The following NCKAP5 variants were observed in gnomAD, a reference collection of about 807,000 sequenced individuals.
NCKAP5 encodes the protein nck-associated protein 5.
A neutral mutation model predicts 167.0 loss-of-function variants in NCKAP5; 92 were observed. That is an observed-to-expected ratio of 0.55 (90% confidence interval 0.47 to 0.66). The LOEUF (loss-of-function observed/expected upper bound fraction) is 0.66. Among genes scored for constraint, NCKAP5 ranks in the 30% least tolerant of loss-of-function variants. The pLI is 0.00. For missense variants in NCKAP5, 2,378 were observed against 2,315.0 expected, an observed-to-expected ratio of 1.03 and a Z score of -0.56; for synonymous variants, 891 against 877.4, an observed-to-expected ratio of 1.02 and a Z score of -0.27.
intron 4 of NCKAP5, among the ~76,000 whole-genome samples, chr2:133,257,801 A>C (rs1452884554): frequency 6.6e-6 from 1 of 152,222 alleles, no homozygotes; most frequent in East Asian, 1.9e-4. Context: ...CATAGAAATG[A>C]ATAAACTCAA....
chr2:132,723,140 ATTTTTT>A (rs869234028), intron 19 of NCKAP5, among the ~76,000 whole-genome samples: 4 of 93,436 alleles, frequency 4.3e-5, no homozygotes, highest in African/African-American at 1.3e-4. Flanking sequence ...GCCAGGTGGT[ATTTTTT>A]TTTTTTTTTT....
At chr2:132,852,701 T>C (rs921411989) in intron 11 of NCKAP5, among the ~76,000 whole-genome samples, 23 of 152,342 alleles carry the variant, frequency 1.5e-4, no homozygotes, top group African/African-American at 5.0e-4. Context: ...GTATTAGTCC[T>C]GAATTTAGTT....
intron 4 of NCKAP5, among the ~76,000 whole-genome samples, chr2:133,215,280 G>T (rs549308966): frequency 1.6e-4 from 24 of 152,074 alleles, no homozygotes; most frequent in African/African-American, 5.8e-4. Context: ...ACAAATTAAG[G>T]GAACAAATAA....
intron 6 of NCKAP5, among the ~76,000 whole-genome samples, chr2:133,055,429 C>T (rs141207624): frequency 6.0e-5 from 9 of 151,054 alleles, no homozygotes; most frequent in Middle Eastern, 3.4e-3. Context: ...ACCTTGAAAA[C>T]GCCAGAAGAT....
At chr2:133,385,089 T>C (rs1024990076) in intron 3 of NCKAP5, among the ~76,000 whole-genome samples, 53 of 152,352 alleles carry the variant, frequency 3.5e-4, no homozygotes, top group African/African-American at 1.1e-3. Flanking sequence ...CTATGTTGAA[T>C]AGGAGTGGTG....
At chr2:132,717,192 C>T (rs184249200) in intron 19 of NCKAP5, among the ~76,000 whole-genome samples, 5 of 152,268 alleles carry the variant, frequency 3.3e-5, no homozygotes, top group African/African-American at 1.2e-4. Context: ...TCCCTTGTGT[C>T]CCACTGCGCA....
chr2:133,288,762 T>C (rs1679348810), intron 4 of NCKAP5, among the ~76,000 whole-genome samples: 1 of 152,128 alleles, frequency 6.6e-6, no homozygotes, highest in South Asian at 2.1e-4. Context: ...CAAGAGTTAG[T>C]GCATAAAGAA....
At chr2:132,818,138 C>T (rs557635260) in intron 11 of NCKAP5, among the ~76,000 whole-genome samples, 21 of 151,908 alleles carry the variant, frequency 1.4e-4, no homozygotes, top group Middle Eastern at 3.2e-3. Context: ...TGTAGAGATG[C>T]GGTTTCGCCA....
chr2:133,124,712 G>A (rs555289440), intron 6 of NCKAP5, among the ~76,000 whole-genome samples: 15 of 152,252 alleles, frequency 9.9e-5, no homozygotes, highest in Admixed American at 2.0e-4. Context: ...GGTGTTACTA[G>A]GCACACAATA....
intron 5 of NCKAP5, among the ~76,000 whole-genome samples, chr2:133,186,585 C>G (rs553746329): frequency 1.2e-3 from 187 of 152,144 alleles, no homozygotes; most frequent in Non-Finnish European, 1.0e-3. Context: ...TGGTCCAGGG[C>G]TCTTTTGAGT....
intron 5 of NCKAP5, among the ~76,000 whole-genome samples, chr2:133,189,043 C>A (rs887790339): frequency 6.6e-5 from 10 of 151,854 alleles, no homozygotes; most frequent in Non-Finnish European, 1.3e-4. Context: ...ACTAGCAAGA[C>A]TAATAAAGAA....
At chr2:132,811,607 C>G (rs570683229) in intron 11 of NCKAP5, among the ~76,000 whole-genome samples, 1 of 152,128 alleles carries the variant, frequency 6.6e-6, no homozygotes, top group African/African-American at 2.4e-5. Flanking sequence ...ATGCTCCCCC[C>G]AACCCTGCCC....
chr2:133,111,545 T>C (rs961598170), intron 6 of NCKAP5, among the ~76,000 whole-genome samples: 2 of 152,202 alleles, frequency 1.3e-5, no homozygotes, highest in African/African-American at 4.8e-5. Context: ...GCCTTCCTGA[T>C]GGTCATGTAG....
intron 7 of NCKAP5, among the ~76,000 whole-genome samples, chr2:132,978,603 G>A (rs191154916): frequency 5.5e-4 from 83 of 152,226 alleles, no homozygotes; most frequent in Middle Eastern, 3.4e-3. Flanking sequence ...TGACCATCCT[G>A]ATCACCCCAC....
intron 5 of NCKAP5, among the ~76,000 whole-genome samples, chr2:133,196,050 G>A (rs1574342850): frequency 6.6e-6 from 1 of 152,086 alleles, no homozygotes. Context: ...AGAAGAGAAG[G>A]CTGCCATTAA....
At chr2:132,735,213 T>C (rs1156463870) in intron 16 of NCKAP5, among the ~76,000 whole-genome samples, 2 of 152,256 alleles carry the variant, frequency 1.3e-5, no homozygotes, top group Non-Finnish European at 2.9e-5. Context: ...CTGATATGGT[T>C]TGGATCTGCG....
intron 3 of NCKAP5, among the ~76,000 whole-genome samples, chr2:133,395,793 C>T (rs529482303): frequency 9.9e-5 from 15 of 152,004 alleles, no homozygotes; most frequent in East Asian, 1.9e-4. Flanking sequence ...CTATAGGTGT[C>T]CCACCACACT....
At chr2:133,293,372 ATTAGACACAT>A (rs1679734990) in intron 4 of NCKAP5, among the ~76,000 whole-genome samples, 1 of 152,182 alleles carries the variant, frequency 6.6e-6, no homozygotes, top group Non-Finnish European at 1.5e-5. Flanking sequence ...GCACCCCCTA[ATTAGACACAT>A]GCATATCACA....
chr2:132,997,255 C>T (rs969036785), intron 6 of NCKAP5, among the ~76,000 whole-genome samples: 1 of 152,100 alleles, frequency 6.6e-6, no homozygotes, highest in African/African-American at 2.4e-5. Context: ...GAAATTCTGC[C>T]TTTACAGAGG....
Sources: gnomAD v4.1 joint callset for allele counts (sites outside exome capture counted in the v4.1 genomes callset) on GRCh38, gnomAD v4.1.1 for gene constraint, MANE v1.5 for transcripts, NCBI Gene and HGNC (gene_info 2026-07-23, HGNC 2026-07-21) for gene names.